The following TECPR1 variants were observed in gnomAD, a reference collection of about 807,000 sequenced individuals.
TECPR1 encodes tectonin beta-propeller repeat containing 1, also known as tectonin beta-propeller repeat-containing protein 1.
Under a neutral mutation model 162.4 loss-of-function variants are expected in TECPR1, and 122 were observed. The observed-to-expected ratio is 0.75, with a 90% CI of 0.65 to 0.87. The LOEUF (loss-of-function observed/expected upper bound fraction) is 0.87. Among genes scored for constraint, TECPR1 ranks in the 40% least tolerant of loss-of-function variants. TECPR1 has a pLI of 0.00. For missense variants in TECPR1, 1,432 were observed against 1,618.2 expected (o/e 0.88, Z 1.97); for synonymous variants, 642 against 670.6 (o/e 0.96, Z 0.66).
At position 98,241,763 on chromosome 7, in the gene TECPR1, T is replaced by C. The variant is rs1454340465; in HGVS notation, c.658-519A>G. On this transcript the variant is annotated intron_variant, in intron 6 of 25. Transcript: ENST00000447648. The surrounding 1 kb of genome is among the most constrained non-coding windows in gnomAD (Gnocchi z 5.0). ...CAGAAAGGGCAAGGGACCCTCCCCA[T>C]AGGGCTGTCTTCAGACAGGGGACCC... is the stretch of plus-strand genomic sequence containing the variant. Among the ~76,000 whole-genome samples, 2 of 152,186 alleles carry C rather than the reference T, an allele frequency of 1.3e-5. No homozygotes were observed. The highest frequency in any genetic ancestry group is 6.5e-5 in the Admixed American group (1 of 15,274).
rs757367336 is a variant in TECPR1, at chr7:98,228,045, G to A, written c.2482C>T (p.Arg828Cys). 8.7e-6 allele frequency: 14 copies of A among 1,612,780 alleles called. No individual in the cohort carries two copies. The highest frequency in any genetic ancestry group is 5.5e-5 in the South Asian group (5 of 90,640). Residue 828 changes from arginine to cysteine, a missense_variant, in exon 17 of 26, where the codon CGC becomes TGC. Physicochemically the swap from Arg to Cys is radical, Grantham distance 180. Transcript: ENST00000447648. The stretch of plus-strand genomic sequence containing the variant: ...GTGTAGCCTGTGACGGGGTTCCAGC[G>A]CTGGTTCTCATAGATGTGAACACAC... ...VKCVHIYENQ[R>C]WNPVTGYTSR...
intron 4 of TECPR1, 22 bp downstream of exon 4, chr7:98,244,862 TG>T: frequency 6.2e-7 from 1 of 1,612,378 alleles, no homozygotes. Context: ...AGGGCAGTCA[TG>T]GAGGGTCCCA....
At chr7:98,223,859 T>C in intron 19 of TECPR1, 141 bp from the exon 20 acceptor site, 1 of 878,592 alleles carries the variant, frequency 1.1e-6, no homozygotes, top group Non-Finnish European at 1.8e-6. Flanking sequence ...GAGAAGGAGG[T>C]GTCACCACGC....
Position 98,241,030 on chromosome 7 carries a change from C to A in TECPR1, c.832+40G>T. On this transcript the variant is annotated intron_variant, in intron 7 of 25. Coordinates refer to ENST00000447648, the MANE Select transcript of TECPR1 (RefSeq NM_015395.3). The surrounding 1 kb of genome is among the most constrained non-coding windows in gnomAD (Gnocchi z 5.0). ...GAGCGAGTGACCCTCACCCTTCTCCCCAGTACAGGGTATGTGGGTGGGGGA... is the reference window on the plus strand; with the variant it reads ...GAGCGAGTGACCCTCACCCTTCTCCACAGTACAGGGTATGTGGGTGGGGGA... The A allele has an allele frequency of 1.3e-6, 2 of 1,591,112 alleles. No homozygotes were observed. The highest frequency in any genetic ancestry group is 2.3e-5 in the East Asian group (1 of 43,920).
At chr7:98,217,585 CCCAGACACCGGGTCCCAGGGGACAGT>C (rs1273075154) in intron 25 of TECPR1, 81 bp downstream of exon 25, 116 of 1,537,582 alleles carry the variant, frequency 7.5e-5, no homozygotes, top group Non-Finnish European at 9.5e-5. Flanking sequence ...CTCCCTGCAA[CCCAGACACCGGGTCCCAGGGGACAGT>C]CCCACAGTGG....
intron 9 of TECPR1, among the ~76,000 whole-genome samples, chr7:98,237,956 G>C (rs575779143): frequency 4.0e-4 from 61 of 152,022 alleles, no homozygotes; most frequent in Non-Finnish European, 5.4e-4. Context: ...AATTTTTGTA[G>C]AGATGGGGTC....
intron 24 of TECPR1, 30 bp downstream of exon 24, chr7:98,217,906 A>C: frequency 6.5e-7 from 1 of 1,548,438 alleles, no homozygotes; most frequent in Non-Finnish European, 8.7e-7. Context: ...AGAGCACCCC[A>C]AGTGCCCGAT....
At chr7:98,222,597 A>G in intron 21 of TECPR1, 76 bp from the exon 22 acceptor site, 2 of 1,513,582 alleles carry the variant, frequency 1.3e-6, no homozygotes, top group South Asian at 2.5e-5. Context: ...ACCAGCAGAA[A>G]TGGGCCTAGC....
Position 98,217,465 on chromosome 7 carries a change from G to T in TECPR1, c.3423C>A (p.Thr1141=). The change falls in exon 26 of 26, where the codon ACC becomes ACA. Residue 1141 remains threonine, a synonymous_variant. Transcript: ENST00000447648. ...WDHISVRANA[T]RAPRSSSQEQ... is the part of the protein sequence containing the mutation. ...CCTGGGACGAGCTCCGGGGGGCCCT[G>T]GTGGCATTGGCCCGGACAGAGATAT... The T allele has an allele frequency of 3.1e-6, 5 of 1,610,342 alleles. No homozygotes were observed. The highest frequency in any genetic ancestry group is 4.2e-6 in the Non-Finnish European group (5 of 1,178,824).
chr7:98,236,996 A>G, intron 9 of TECPR1, 75 bp from the exon 10 acceptor site: 1 of 1,421,822 alleles, frequency 7.0e-7, no homozygotes, highest in East Asian at 2.6e-5. Context: ...AGGGGTGCAA[A>G]ATGCAGGCAG....
chr7:98,238,500 C>G lies in TECPR1; in HGVS notation c.1035+9G>C, dbSNP rs752627420. 2 of 1,555,312 alleles carry G rather than the reference C, an allele frequency of 1.3e-6. No homozygotes were observed. Among genetic ancestry groups the G allele is most frequent in the Non-Finnish European group, 1.7e-6 (2 of 1,149,640 alleles). The stretch of plus-strand genomic sequence containing the variant: ...CTGCTGTTTAGGGGCTGCAGACCCA[C>G]GTGCACACCTGGTCGTTCATTCCCA... On this transcript the variant is annotated intron_variant, in intron 9 of 25. Coordinates refer to ENST00000447648, the MANE Select transcript of TECPR1 (RefSeq NM_015395.3).
rs1401532886 is a variant in TECPR1, at chr7:98,243,592, T to A, written c.532A>T (p.Ile178Phe). ...TCCTTGGGGTCATCCTTCGAGGGGA[T>A]CTGAAGGAAGGAAGTGAGAAATGGT... is the stretch of plus-strand genomic sequence containing the variant. Reference protein sequence around the residue: ...RYKSRDIWAKIPSKDDPKELP... With the variant: ...RYKSRDIWAKFPSKDDPKELP... Residue 178 changes from isoleucine to phenylalanine, a missense_variant and splice_region_variant, in exon 6 of 26, where the codon ATC becomes TTC. Coordinates refer to ENST00000447648, the MANE Select transcript of TECPR1 (RefSeq NM_015395.3). 6.2e-7 allele frequency: 1 copy of A among 1,611,428 alleles called. No homozygotes were observed. Among genetic ancestry groups the A allele is most frequent in the Non-Finnish European group, 8.5e-7 (1 of 1,179,026 alleles).
At chr7:98,242,966 ATCC>A (rs1249006867) in intron 6 of TECPR1, among the ~76,000 whole-genome samples, 39 of 114,784 alleles carry the variant, frequency 3.4e-4, no homozygotes, top group Admixed American at 5.5e-4. Flanking sequence ...CCATCCACAC[ATCC>A]ACCCACACCC....
rs1562939237 is a variant in TECPR1 at position 98,233,688 on chromosome 7, C to G, written c.1405G>C (p.Glu469Gln). The change falls in exon 11 of 26, where the codon GAG (glutamate) becomes CAG (glutamine). Residue 469 changes from glutamate (E) to glutamine (Q), a missense_variant. Physicochemically the swap from Glu to Gln is conservative, Grantham distance 29. Transcript: ENST00000447648. ...CCGGGGTGCGTGTTGGGTCTGGCCT[C>G]CCTGCTGCCCTCGGCTGGGCAGGCA... ...EDACPAEGSREARPNTHPGPA... is the reference protein window; with the variant it reads ...EDACPAEGSRQARPNTHPGPA... The G allele has an allele frequency of 6.2e-7, 1 of 1,608,972 alleles. No homozygotes were observed.
In TECPR1 at chr7:98,222,771, T is replaced by C. The variant is rs1298498504; in HGVS notation, c.2928+219A>G. The C allele has an allele frequency of 1.6e-5, 13 of 791,840 alleles. No individual in the cohort carries two copies. The East Asian group carries it at 3.2e-4, about 20-fold the overall frequency. The allele number at this position is 791,840 out of a possible 1,614,324, so 49.1% of individuals were successfully genotyped here. Reference sequence around the variant, plus strand: ...CACCGGGGTGCTGACCACCAAGGACTGGGTGCCAAAGAGCCGCAGTGTCCC... The same window carrying C: ...CACCGGGGTGCTGACCACCAAGGACCGGGTGCCAAAGAGCCGCAGTGTCCC... On this transcript the variant is annotated intron_variant, in intron 21 of 25. Coordinates refer to ENST00000447648, the MANE Select transcript of TECPR1 (RefSeq NM_015395.3).
Position 98,233,556 on chromosome 7 carries a change from A to G in TECPR1, c.1537T>C (p.Ser513Pro). 6.3e-7 allele frequency: 1 copy of G among 1,595,964 alleles called. No homozygotes were observed. Among genetic ancestry groups the G allele is most frequent in the Non-Finnish European group, 8.5e-7 (1 of 1,172,862 alleles). Residue 513 changes from serine (S) to proline (P), a missense_variant, in exon 11 of 26, where the codon TCC (serine) becomes CCC (proline). Physicochemically the swap from Ser to Pro is moderately conservative, Grantham distance 74 (BLOSUM62 -1). Coordinates refer to ENST00000447648, the MANE Select transcript of TECPR1 (RefSeq NM_015395.3). The part of the protein sequence containing the change: ...AAGFPETTSL[S>P]SLGLLPLGLE... Reference sequence around the variant, plus strand: ...CCCAGTGGGAGGAGCCCCAGAGAGGAGAGGCTGGTGGTCTCGGGGAAGCCA... The same window carrying G: ...CCCAGTGGGAGGAGCCCCAGAGAGGGGAGGCTGGTGGTCTCGGGGAAGCCA...
At position 98,223,795 on chromosome 7, in the gene TECPR1, T is replaced by C. The variant is rs1200791921; in HGVS notation, c.2691-77A>G. 2.6e-6 allele frequency: 4 copies of C among 1,513,216 alleles called. No homozygotes were observed. In the East Asian group the frequency reaches 9.0e-5, roughly 34 times the overall value. 93.7% of individuals were successfully genotyped at this position (1,513,216 alleles called of 1,614,324 possible). ...AAGGGACCGTGCATGTAAACATTCTTGTTCTACCCGTTACAGGGCATGGGG... is the reference window on the plus strand; with the variant it reads ...AAGGGACCGTGCATGTAAACATTCTCGTTCTACCCGTTACAGGGCATGGGG... On this transcript the variant is annotated intron_variant, in intron 19 of 25. Transcript: ENST00000447648.
rs1798820568 is a variant in TECPR1, at chr7:98,243,407, A to T, written c.657+60T>A. On this transcript the variant is annotated intron_variant, in intron 6 of 25. Transcript: ENST00000447648. ...GAGCAAGACCCAGGGGGTGCACAGG[A>T]CAGGACCCACAGGAGGTGGGATCGT... The T allele has an allele frequency of 8.7e-6, 14 of 1,602,592 alleles. 1 individual carries two copies. The highest frequency in any genetic ancestry group is 1.2e-5 in the Non-Finnish European group (14 of 1,175,826).
rs749681345 is a variant in TECPR1, at chr7:98,251,505, C to G, written c.-131G>C. The G allele has an allele frequency of 7.6e-4, 115 of 152,260 alleles. 1 individual carries two copies. The highest frequency in any genetic ancestry group is 1.1e-3 in the Non-Finnish European group (73 of 68,074). The allele number at this position is 152,260 out of a possible 1,614,324, so 9.4% of individuals were successfully genotyped here. On this transcript the variant is annotated 5_prime_UTR_variant, in exon 2 of 26. Transcript: ENST00000447648. ...CGGCAATGCCTACTACAGTAGCTCGCTGGCTGCCAGGTGCAGGGGCTGTTC... is the reference window on the plus strand; with the variant it reads ...CGGCAATGCCTACTACAGTAGCTCGGTGGCTGCCAGGTGCAGGGGCTGTTC...
Sources: allele counts gnomAD v4.1 joint callset (sites outside exome capture counted in the v4.1 genomes callset), GRCh38; gene constraint gnomAD v4.1.1; non-coding constraint Gnocchi (gnomAD v3.1); transcripts MANE v1.5; gene names NCBI Gene and HGNC (gene_info 2026-07-23, HGNC 2026-07-21).